Variants in GMEB2 observed in about 807,000 individuals in gnomAD.
The protein encoded by GMEB2 is glucocorticoid modulatory element binding protein 2, also known as glucocorticoid modulatory element-binding protein 2.
In GMEB2, 7 loss-of-function variants were observed where a neutral mutation model predicts 45.7. That is an observed-to-expected ratio of 0.15 (90% CI 0.09 to 0.29). The LOEUF is 0.29. GMEB2 is among the 10% of genes least tolerant of loss of function. The pLI is 1.00. For missense variants in GMEB2, 582 were observed against 739.2 expected, an observed-to-expected ratio of 0.79 and a Z score of 2.47; for synonymous variants, 322 against 323.6, an observed-to-expected ratio of 1.00 and a Z score of 0.05.
At chr20:63,610,552 A>G (rs2089561633) in intron 2 of GMEB2, among the ~76,000 whole-genome samples, 1 of 152,148 alleles carries the variant, frequency 6.6e-6, no homozygotes, top group Admixed American at 6.6e-5. Context: ...AAAAACATGT[A>G]GCAAGAGGAA....
At chr20:63,596,538 A>C (rs966926370) in intron 5 of GMEB2, among the ~76,000 whole-genome samples, 4 of 152,252 alleles carry the variant, frequency 2.6e-5, no homozygotes, top group African/African-American at 9.6e-5. Flanking sequence ...CTGTGCCACC[A>C]GCCACGTTCC....
chr20:63,615,592 C>T (rs1384401540), intron 2 of GMEB2, among the ~76,000 whole-genome samples: 4 of 152,170 alleles, frequency 2.6e-5, no homozygotes, highest in African/African-American at 7.2e-5. Context: ...TCCCAAAGTG[C>T]TCAGATTACA....
Position 63,619,404 on chromosome 20 carries a change from G to A in GMEB2, c.-7C>T. ...TCACGTCGGGAGTCGCCATGGCTCA[G>A]CGGAAGGGGACGCCCAGGCCAGCAG... On this transcript the variant is annotated 5_prime_UTR_variant, in exon 2 of 10. Coordinates refer to ENST00000370077, the MANE Select transcript of GMEB2 (RefSeq NM_012384.5). The surrounding 1 kb of genome is among the most constrained non-coding windows in gnomAD (Gnocchi z 4.6). 2 of 1,609,164 alleles carry A rather than the reference G, an allele frequency of 1.2e-6. No individual in the cohort carries two copies. The highest frequency in any genetic ancestry group is 1.1e-5 in the South Asian group (1 of 91,018).
intron 4 of GMEB2, among the ~76,000 whole-genome samples, chr20:63,599,010 A>G (rs2083221017): frequency 6.6e-6 from 1 of 152,030 alleles, no homozygotes; most frequent in African/African-American, 2.4e-5. Flanking sequence ...TTCTCACCCC[A>G]GGTTTTCCTC....
rs377438007 is a variant in GMEB2 at position 63,619,475 on chromosome 20, C to G, written c.-57-21G>C. Reference sequence around the variant, plus strand: ...AAGTCCTGGAGGAAGCAAGGCAGGGCACAGGGATGGAGTCATCTCCACATC... The same window carrying G: ...AAGTCCTGGAGGAAGCAAGGCAGGGGACAGGGATGGAGTCATCTCCACATC... On this transcript the variant is annotated intron_variant, in intron 1 of 9. Transcript: ENST00000370077. The surrounding 1 kb of genome is among the most constrained non-coding windows in gnomAD (Gnocchi z 4.6). 9.5e-6 allele frequency: 14 copies of G among 1,468,416 alleles called. No homozygotes were observed. The African/African-American group carries it at 9.7e-5, about 10-fold the overall frequency. 91.0% of individuals were successfully genotyped at this position (1,468,416 alleles called of 1,614,324 possible).
At chr20:63,612,149 A>G (rs1224841308) in intron 2 of GMEB2, among the ~76,000 whole-genome samples, 1 of 152,210 alleles carries the variant, frequency 6.6e-6, no homozygotes, top group African/African-American at 2.4e-5. Context: ...AAATCTAAGA[A>G]AGGAAAAAAT....
chr20:63,601,553 A>T (rs1311151615), intron 4 of GMEB2, among the ~76,000 whole-genome samples: 1 of 148,386 alleles, frequency 6.7e-6, no homozygotes, highest in Non-Finnish European at 1.5e-5. Flanking sequence ...TTTTTTTTTA[A>T]GAAGAAACTG....
chr20:63,612,139 A>G (rs1052351610), intron 2 of GMEB2, among the ~76,000 whole-genome samples: 2 of 152,240 alleles, frequency 1.3e-5, no homozygotes, highest in African/African-American at 2.4e-5. Context: ...TGACCCACAG[A>G]AATCTAAGAA....
chr20:63,596,001 G>C (rs1488787706), intron 5 of GMEB2, among the ~76,000 whole-genome samples: 3 of 152,230 alleles, frequency 2.0e-5, no homozygotes, highest in African/African-American at 7.2e-5. Context: ...CCCCAGGAAG[G>C]GGGCAAGCGC....
chr20:63,590,662 G>A lies in GMEB2; in HGVS notation c.1020C>T (p.Leu340=), dbSNP rs112301725. 3.3e-5 allele frequency: 52 copies of A among 1,559,892 alleles called. 1 individual carries two copies. In the African/African-American group the frequency reaches 4.6e-4, roughly 14 times the overall value. The part of the protein sequence containing the change: ...AKELKHKSQH[L]SNVLMTLTPV... ...GCGTCAGCGTCATGAGCACGTTGCT[G>A]AGGTGCTGGGACTTGTGCTTCAGCT... Residue 340 remains leucine, a synonymous_variant, in exon 10 of 10, where the codon CTC becomes CTT. Coordinates refer to ENST00000370077, the MANE Select transcript of GMEB2 (RefSeq NM_012384.5).
Position 63,588,927 on chromosome 20 carries a change from C to A in GMEB2, c.*1162G>T, listed in dbSNP as rs1302489872. The A allele has an allele frequency of 5.0e-6, 2 of 398,818 alleles. No individual in the cohort carries two copies. Among genetic ancestry groups the A allele is most frequent in the Admixed American group, 8.8e-5 (2 of 22,726 alleles). 24.7% of individuals were successfully genotyped at this position (398,818 alleles called of 1,614,324 possible). A position where few individuals can be genotyped will look rare whatever the true frequency, so the allele number is the denominator to read the frequency against. On this transcript the variant is annotated 3_prime_UTR_variant, in exon 10 of 10. Transcript: ENST00000370077. ...CTCAGGACAGCCACAGACAGCCCTT[C>A]CAGACAGGCTCTGGGCTCCACCTTC...
At chr20:63,623,838 G>A (rs2146097579) in intron 1 of GMEB2, among the ~76,000 whole-genome samples, 1 of 152,040 alleles carries the variant, frequency 6.6e-6, no homozygotes, top group Admixed American at 6.5e-5. Flanking sequence ...CAGGCCAGGT[G>A]TGGTGGCTCA....
At chr20:63,606,328 GA>G (rs967449853) in intron 2 of GMEB2, among the ~76,000 whole-genome samples, 3 of 147,290 alleles carry the variant, frequency 2.0e-5, no homozygotes, top group African/African-American at 5.0e-5. Flanking sequence ...TCAATGCCAG[GA>G]AAAAAAACAC....
At chr20:63,608,802 C>CA (rs2089541289) in intron 2 of GMEB2, among the ~76,000 whole-genome samples, 1 of 63,698 alleles carries the variant, frequency 1.6e-5, no homozygotes, top group Non-Finnish European at 3.5e-5. Context: ...TCTGACCCCA[C>CA]CTCCATTTCT....
chr20:63,590,656 G>A lies in GMEB2; in HGVS notation c.1026C>T (p.Asn342=), dbSNP rs149450161. The part of the protein sequence containing the change: ...ELKHKSQHLS[N]VLMTLTPVSL... ...AGACCGGCGTCAGCGTCATGAGCACGTTGCTGAGGTGCTGGGACTTGTGCT... is the reference window on the plus strand; with the variant it reads ...AGACCGGCGTCAGCGTCATGAGCACATTGCTGAGGTGCTGGGACTTGTGCT... Residue 342 remains asparagine, a synonymous_variant, in exon 10 of 10, where the codon AAC becomes AAT. Coordinates refer to ENST00000370077, the MANE Select transcript of GMEB2 (RefSeq NM_012384.5). The A allele has an allele frequency of 3.5e-4, 551 of 1,568,974 alleles. 3 individuals carry two copies. Among genetic ancestry groups the A allele is most frequent in the African/African-American group, 5.7e-4 (42 of 73,514 alleles).
At chr20:63,597,975 G>T in intron 4 of GMEB2, 115 bp from the exon 5 acceptor site, 1 of 698,936 alleles carries the variant, frequency 1.4e-6, no homozygotes, top group African/African-American at 1.7e-5. Flanking sequence ...CCACGGCACG[G>T]CTCTGACCGG....
intron 2 of GMEB2, among the ~76,000 whole-genome samples, chr20:63,615,577 C>T (rs761477617): frequency 6.6e-6 from 1 of 152,236 alleles, no homozygotes; most frequent in Non-Finnish European, 1.5e-5. Context: ...CCTCCCACCT[C>T]AGCCTCCCAA....
intron 5 of GMEB2, among the ~76,000 whole-genome samples, chr20:63,596,325 C>T (rs2083200688): frequency 6.6e-6 from 1 of 152,248 alleles, no homozygotes; most frequent in Admixed American, 6.5e-5. Context: ...TGAGAGCCGC[C>T]CTCCCAGGGC....
Position 63,587,614 on chromosome 20 carries a change from T to C in GMEB2, c.*2475A>G, listed in dbSNP as rs2083105588. The C allele has an allele frequency of 6.6e-6, 1 of 152,362 alleles. No homozygotes were observed. The highest frequency in any genetic ancestry group is 1.5e-5 in the Non-Finnish European group (1 of 68,028). 9.4% of individuals were successfully genotyped at this position (152,362 alleles called of 1,614,324 possible). ...AGATAGACACTCAAACTATGAAAAT[T>C]GTTTTTATTTTAAATCAAAGTACCA... On this transcript the variant is annotated 3_prime_UTR_variant, in exon 10 of 10. Coordinates refer to ENST00000370077, the MANE Select transcript of GMEB2 (RefSeq NM_012384.5).
Sources: allele counts gnomAD v4.1 joint callset (sites outside exome capture counted in the v4.1 genomes callset), GRCh38; gene constraint gnomAD v4.1.1; non-coding constraint Gnocchi (gnomAD v3.1); transcripts MANE v1.5; gene names NCBI Gene and HGNC (gene_info 2026-07-23, HGNC 2026-07-21).